GTF2H3: variants seen among roughly 807,000 people sequenced by gnomAD.
GTF2H3 encodes the protein general transcription factor IIH subunit 3.
Under a neutral mutation model 51.1 loss-of-function variants are expected in GTF2H3, and 42 were observed. The ratio of observed to expected loss-of-function variants is 0.82; its 90% confidence interval spans 0.64 to 1.06. GTF2H3 has a LOEUF of 1.06. Among genes scored for constraint, GTF2H3 ranks in the 50% least tolerant of loss-of-function variants. The pLI is 0.00. For synonymous variants in GTF2H3, 123 were observed against 123.8 expected, an observed-to-expected ratio of 0.99 and a Z score of 0.04; for missense variants, 326 against 366.1, an observed-to-expected ratio of 0.89 and a Z score of 0.89.
rs749504129 is a variant in GTF2H3, at chr12:123,659,527, C to T, written c.627C>T (p.Ile209=). The T allele has an allele frequency of 1.9e-6, 3 of 1,614,150 alleles. No individual in the cohort carries two copies. Among genetic ancestry groups the T allele is most frequent in the Non-Finnish European group, 2.5e-6 (3 of 1,180,002 alleles). The change falls in exon 10 of 13, where the codon ATC becomes ATT. Residue 209 remains isoleucine (I), a synonymous_variant. Transcript: ENST00000543341. ...DSGLLQQACD[I]TGGLYLKVPQ... ...CCTGTGTCTTGCAGGCTTGTGACAT[C>T]ACGGGAGGACTGTACCTGAAGGTGC... is the stretch of plus-strand genomic sequence containing the variant.
At chr12:123,639,022 C>A (rs934480729) in intron 1 of GTF2H3, among the ~76,000 whole-genome samples, 18 of 151,094 alleles carry the variant, frequency 1.2e-4, no homozygotes, top group Admixed American at 9.2e-4. Context: ...GTCTCGATCT[C>A]CTGACCTCGT....
intron 5 of GTF2H3, among the ~76,000 whole-genome samples, chr12:123,651,429 T>C (rs1337018157): frequency 6.6e-6 from 1 of 152,074 alleles, no homozygotes; most frequent in African/African-American, 2.4e-5. Flanking sequence ...CAGGCTGGTC[T>C]CTAACTCCTG....
intron 9 of GTF2H3, chr12:123,659,270 G>A (rs2061093471): frequency 9.2e-6 from 4 of 434,946 alleles, no homozygotes; most frequent in Middle Eastern, 6.7e-4. Flanking sequence ...GGGAAGCTGA[G>A]GCAGGAGAAT....
chr12:123,654,440 G>T (rs533856299), intron 7 of GTF2H3, among the ~76,000 whole-genome samples: 2 of 151,214 alleles, frequency 1.3e-5, no homozygotes, highest in Non-Finnish European at 2.9e-5. Context: ...GTGTATGTCC[G>T]TGTGTGTATT....
chr12:123,651,592 G>A (rs1481341419), intron 5 of GTF2H3, among the ~76,000 whole-genome samples: 1 of 151,988 alleles, frequency 6.6e-6, no homozygotes, highest in Non-Finnish European at 1.5e-5. Context: ...GGCCGAGGCA[G>A]GCGGATCATG....
At chr12:123,653,105 A>C (rs1955539668) in intron 7 of GTF2H3, among the ~76,000 whole-genome samples, 1 of 152,182 alleles carries the variant, frequency 6.6e-6, no homozygotes, top group African/African-American at 2.4e-5. Flanking sequence ...AAAAAGAAAA[A>C]AAAAAGAAAA....
chr12:123,647,905 T>C (rs1257328762), intron 3 of GTF2H3, 58 bp from the exon 4 acceptor site: 1 of 1,288,028 alleles, frequency 7.8e-7, no homozygotes, highest in African/African-American at 1.5e-5. Context: ...ATTCTGATCA[T>C]GAGTGAGCCT....
At chr12:123,648,737 T>C (rs965450264) in intron 4 of GTF2H3, among the ~76,000 whole-genome samples, 2 of 152,230 alleles carry the variant, frequency 1.3e-5, no homozygotes, top group Non-Finnish European at 2.9e-5. Context: ...ACATCCGACA[T>C]CTAATCAGCT....
chr12:123,650,630 A>G (rs992226382), intron 4 of GTF2H3: 1 of 210,112 alleles, frequency 4.8e-6, no homozygotes, highest in Non-Finnish European at 9.8e-6. Flanking sequence ...ACAGTTCAGT[A>G]ATGTTGAGTA....
intron 3 of GTF2H3, 115 bp downstream of exon 3, chr12:123,645,676 A>G (rs1458091329): frequency 1.3e-5 from 8 of 624,394 alleles, no homozygotes; most frequent in Non-Finnish European, 2.3e-5. Flanking sequence ...TTTCTGTACC[A>G]GTGAACAGCC....
At chr12:123,652,785 A>G (rs1024443481) in intron 7 of GTF2H3, 50 bp downstream of exon 7, 1 of 1,423,052 alleles carries the variant, frequency 7.0e-7, no homozygotes, top group Admixed American at 2.6e-5. Context: ...TAATTAGAAA[A>G]CATAACGGGA....
rs539115923 is a variant in GTF2H3 at position 123,651,065 on chromosome 12, G to T, written c.427+9G>T. ...GGCCAAAGCCCTTTGCTGTATCCTT[G>T]GTGTCTGAATCATTTAGAAGGTGTC... On this transcript the variant is annotated intron_variant, in intron 5 of 12. Transcript: ENST00000543341. The T allele has an allele frequency of 3.6e-5, 58 of 1,601,692 alleles. No individual in the cohort carries two copies. The Middle Eastern group carries it at 5.0e-4, about 14-fold the overall frequency.
At chr12:123,659,486 G>C in intron 9 of GTF2H3, 30 bp from the exon 10 acceptor site, 1 of 1,611,218 alleles carries the variant, frequency 6.2e-7, no homozygotes, top group South Asian at 1.1e-5. Context: ...GTAAGTGCGA[G>C]TTTGGCAGCA....
intron 1 of GTF2H3, 29 bp from the exon 2 acceptor site, chr12:123,639,235 T>G (rs1485559973): frequency 9.0e-7 from 1 of 1,116,756 alleles, no homozygotes; most frequent in Non-Finnish European, 1.3e-6. Context: ...GCTAATGTTT[T>G]AAATTTTATT....
chr12:123,636,050 T>A (rs1955278697), intron 1 of GTF2H3, among the ~76,000 whole-genome samples: 2 of 152,218 alleles, frequency 1.3e-5, no homozygotes, highest in Middle Eastern at 3.2e-3. Context: ...TAATCTAAGA[T>A]AATATTGATT....
intron 7 of GTF2H3, among the ~76,000 whole-genome samples, chr12:123,653,515 C>T (rs912450292): frequency 4.0e-5 from 6 of 151,584 alleles, no homozygotes; most frequent in Non-Finnish European, 7.4e-5. Flanking sequence ...CAAAAAATGT[C>T]GTGGGCGCCT....
chr12:123,659,437 G>C, intron 9 of GTF2H3, 79 bp from the exon 10 acceptor site: 1 of 985,842 alleles, frequency 1.0e-6, no homozygotes, highest in Non-Finnish European at 1.6e-6. Flanking sequence ...TAGGCCCAAG[G>C]CATTGCTCAT....
chr12:123,656,444 C>G (rs111881898), intron 9 of GTF2H3, among the ~76,000 whole-genome samples: 105 of 152,268 alleles, frequency 6.9e-4, no homozygotes, highest in Middle Eastern at 3.4e-3. Flanking sequence ...TGTCTATTAA[C>G]TCCAAGACGA....
At position 123,659,803 on chromosome 12, in the gene GTF2H3, T is replaced by C; in HGVS notation, c.693T>C (p.Phe231=). The C allele has an allele frequency of 3.1e-6, 5 of 1,611,710 alleles. No homozygotes were observed. Among genetic ancestry groups the C allele is most frequent in the Non-Finnish European group, 3.4e-6 (4 of 1,179,280 alleles). The change falls in exon 11 of 13, where the codon TTT becomes TTC. Residue 231 remains phenylalanine, a synonymous_variant. Coordinates refer to ENST00000543341, the MANE Select transcript of GTF2H3 (RefSeq NM_001516.5). ...PSLLQYLLWV[F]LPDQDQRSQL... The stretch of plus-strand genomic sequence containing the variant: ...GTTTGTTTGTTTTACAGTGGGTGTT[T>C]CTTCCCGATCAAGATCAGAGATCTC...
Sources: gnomAD v4.1 joint callset for allele counts (sites outside exome capture counted in the v4.1 genomes callset) on GRCh38, gnomAD v4.1.1 for gene constraint, MANE v1.5 for transcripts, NCBI Gene and HGNC (gene_info 2026-07-23, HGNC 2026-07-21) for gene names.